The following ROBO1 variants were observed in gnomAD, a reference collection of about 807,000 sequenced individuals.
ROBO1 encodes roundabout homolog 1.
In ROBO1, 149 loss-of-function variants were observed where a neutral mutation model predicts 195.9. The ratio of observed to expected loss-of-function variants is 0.76; its 90% CI spans 0.67 to 0.87. The LOEUF (loss-of-function observed/expected upper bound fraction) is 0.87, where lower values mean the gene tolerates loss of function less well. ROBO1 is among the 40% of genes least tolerant of loss of function. The probability of loss-of-function intolerance (pLI) is 0.00; values close to 1 mark genes in which losing one functional copy is unlikely to be tolerated. For missense variants in ROBO1, 1,933 were observed against 2,068.3 expected (o/e 0.93, Z 1.27); for synonymous variants, 816 against 733.2 (o/e 1.11, Z -1.82).
intron 2 of ROBO1, among the ~76,000 whole-genome samples, chr3:79,256,293 T>C (rs1702221174): frequency 6.6e-6 from 1 of 152,184 alleles, no homozygotes; most frequent in Non-Finnish European, 1.5e-5. Flanking sequence ...TCCAAGGCTG[T>C]AGACACATGG....
intron 4 of ROBO1, among the ~76,000 whole-genome samples, chr3:78,814,085 G>A (rs1197675712): frequency 6.6e-6 from 1 of 151,838 alleles, no homozygotes; most frequent in Middle Eastern, 3.4e-3. Context: ...TAGGGTCCAG[G>A]GTGTCTTAGG....
intron 3 of ROBO1, among the ~76,000 whole-genome samples, chr3:78,958,965 A>C (rs1433985257): frequency 6.6e-6 from 1 of 151,300 alleles, no homozygotes. Flanking sequence ...ACACTGCCAC[A>C]CCCGGCTAAT....
chr3:79,525,539 GAT>G (rs367662211), intron 2 of ROBO1, among the ~76,000 whole-genome samples: 4,274 of 140,808 alleles, frequency 0.03, 233 homozygotes, highest in African/African-American at 0.1. Context: ...TTATACTTCA[GAT>G]ATATATATAT....
intron 2 of ROBO1, among the ~76,000 whole-genome samples, chr3:79,311,657 CT>C (rs61158808): frequency 0.032 from 4,884 of 151,978 alleles, 229 homozygotes; most frequent in African/African-American, 0.1. Flanking sequence ...CATTTGTATG[CT>C]TTTTTTTCTC....
intron 2 of ROBO1, among the ~76,000 whole-genome samples, chr3:79,290,115 T>C (rs970391613): frequency 6.6e-6 from 1 of 152,140 alleles, no homozygotes; most frequent in Admixed American, 6.5e-5. Flanking sequence ...CTCAGCTCAC[T>C]GCAAGCTCCG....
rs1343963879 is a variant in ROBO1 at position 79,461,098 on chromosome 3, AT to A, written c.88+128725del. On this transcript the variant is annotated intron_variant, in intron 2 of 30. Coordinates refer to ENST00000464233, the MANE Select transcript of ROBO1 (RefSeq NM_002941.4). ...GAAATTACTTCACTGAAATTAAAAT[AT>A]TAAAAAGAATTTTAGTCTGACTACA... Among the ~76,000 whole-genome samples the A allele has an allele frequency of 2.0e-5, 3 of 152,354 alleles. No individual in the cohort carries two copies. The East Asian group carries it at 5.8e-4, about 29-fold the overall frequency.
intron 3 of ROBO1, among the ~76,000 whole-genome samples, chr3:78,939,435 A>C (rs920726297): frequency 6.6e-6 from 1 of 150,550 alleles, no homozygotes; most frequent in Non-Finnish European, 1.5e-5. Context: ...TAACAAGGTG[A>C]AACCCCGTCT....
Position 78,685,846 on chromosome 3 carries a change from T to A in ROBO1, c.1242A>T (p.Thr414=). Residue 414 remains threonine (T), a synonymous_variant, in exon 10 of 31, where the codon ACA becomes ACT. Coordinates refer to ENST00000464233, the MANE Select transcript of ROBO1 (RefSeq NM_002941.4). ...RFSVSQTGDL[T]ITNVQRSDVG... is the part of the protein sequence containing the mutation. ...CATCAGATCGCTGGACATTAGTAATTGTGAGGTCGCCAGTCTGGGAGACTG... is the reference window on the plus strand; with the variant it reads ...CATCAGATCGCTGGACATTAGTAATAGTGAGGTCGCCAGTCTGGGAGACTG... 6.2e-7 allele frequency: 1 copy of A among 1,610,768 alleles called. No homozygotes were observed. The highest frequency in any genetic ancestry group is 8.5e-7 in the Non-Finnish European group (1 of 1,178,008).
rs1019656550 is a variant in ROBO1, at chr3:78,599,025, T to A, written c.4942-98A>T. ...TTTATTATTATTATAATTTAATGTG[T>A]CTTTTCATTTATTCAATGGACTATG... On this transcript the variant is annotated intron_variant, in intron 30 of 30. Transcript: ENST00000464233. 4.5e-6 allele frequency: 3 copies of A among 660,246 alleles called. No individual in the cohort carries two copies. The African/African-American group carries it at 5.6e-5, about 12-fold the overall frequency. The allele number at this position is 660,246 out of a possible 1,614,324, so 40.9% of individuals were successfully genotyped here.
intron 2 of ROBO1, among the ~76,000 whole-genome samples, chr3:79,496,283 T>A (rs1159233443): frequency 2.0e-5 from 3 of 150,174 alleles, no homozygotes; most frequent in Non-Finnish European, 4.4e-5. Flanking sequence ...TTTCTATGTA[T>A]ATAATATGTA....
chr3:79,268,601 G>A (rs2030218077), intron 2 of ROBO1, among the ~76,000 whole-genome samples: 1 of 151,494 alleles, frequency 6.6e-6, no homozygotes, highest in South Asian at 2.1e-4. Context: ...GTCAACACAC[G>A]CTCTTGTTTT....
In ROBO1 at chr3:79,349,895, G is replaced by A. The variant is rs188931193; in HGVS notation, c.89-224356C>T. Among the ~76,000 whole-genome samples the A allele has an allele frequency of 2.6e-5, 4 of 152,192 alleles. No homozygotes were observed. The East Asian group carries it at 7.7e-4, about 29-fold the overall frequency. ...CTATGTGACCTTGGCTTTTACCATA[G>A]ATTCCTATATATGACACGAAATGCA... On this transcript the variant is annotated intron_variant, in intron 2 of 30. Transcript: ENST00000464233.
At chr3:78,678,200 T>G (rs1237675096) in intron 10 of ROBO1, among the ~76,000 whole-genome samples, 3 of 151,520 alleles carry the variant, frequency 2.0e-5, no homozygotes, top group Admixed American at 2.0e-4. Context: ...TTTATAGCAC[T>G]AAATGCCCAC....
intron 2 of ROBO1, among the ~76,000 whole-genome samples, chr3:79,273,515 TA>T (rs1246708221): frequency 6.6e-6 from 1 of 151,596 alleles, no homozygotes; most frequent in Non-Finnish European, 1.5e-5. Flanking sequence ...CTATGACAGA[TA>T]CACAAAAAAA....
intron 2 of ROBO1, among the ~76,000 whole-genome samples, chr3:79,505,788 T>A (rs1334020689): frequency 1.3e-5 from 2 of 152,160 alleles, no homozygotes; most frequent in African/African-American, 4.8e-5. Flanking sequence ...ATGTATACAG[T>A]GGTAGGTTTA....
At chr3:79,140,764 G>A (rs2080508591) in intron 2 of ROBO1, among the ~76,000 whole-genome samples, 1 of 152,114 alleles carries the variant, frequency 6.6e-6, no homozygotes, top group South Asian at 2.1e-4. Flanking sequence ...TAAAATTCAA[G>A]AGAAAAGTGA....
intron 2 of ROBO1, among the ~76,000 whole-genome samples, chr3:79,271,225 C>T (rs1176326262): frequency 6.6e-6 from 1 of 151,922 alleles, no homozygotes; most frequent in Non-Finnish European, 1.5e-5. Context: ...AAACCATTAC[C>T]AGAATTTTTT....
intron 4 of ROBO1, among the ~76,000 whole-genome samples, chr3:78,880,986 T>A (rs914775613): frequency 6.6e-6 from 1 of 152,170 alleles, no homozygotes; most frequent in Non-Finnish European, 1.5e-5. Flanking sequence ...CAGACCCTGA[T>A]AGTTATGGAC....
chr3:79,200,900 A>C (rs2081750487), intron 2 of ROBO1, among the ~76,000 whole-genome samples: 1 of 151,930 alleles, frequency 6.6e-6, no homozygotes, highest in African/African-American at 2.4e-5. Context: ...AATCACTTTG[A>C]CATATTTGTT....
Sources: gnomAD v4.1 joint callset for allele counts (sites outside exome capture counted in the v4.1 genomes callset) on GRCh38, gnomAD v4.1.1 for gene constraint, MANE v1.5 for transcripts, NCBI Gene and HGNC (gene_info 2026-07-23, HGNC 2026-07-21) for gene names.